TRPM7: variants seen among roughly 807,000 people sequenced by gnomAD.
The protein encoded by TRPM7 is transient receptor potential cation channel subfamily M member 7.
In TRPM7, 134 loss-of-function variants were observed where a neutral mutation model predicts 229.7. The ratio of observed to expected loss-of-function variants is 0.58; its 90% CI spans 0.51 to 0.67. The LOEUF (loss-of-function observed/expected upper bound fraction) is 0.67, where lower values mean the gene tolerates loss of function less well. TRPM7 is among the 30% of genes least tolerant of loss of function. TRPM7 has a pLI of 0.00. For missense variants in TRPM7, 1,901 were observed against 2,210.0 expected, an observed-to-expected ratio of 0.86 and a Z score of 2.80; for synonymous variants, 699 against 715.2, an observed-to-expected ratio of 0.98 and a Z score of 0.36.
intron 29 of TRPM7, 93 bp downstream of exon 29, chr15:50,582,996 G>T: frequency 2.1e-6 from 2 of 931,452 alleles, no homozygotes; most frequent in Non-Finnish European, 1.5e-6. Context: ...TTGAATTTTT[G>T]ATATAGTCCC....
chr15:50,639,309 A>G (rs2061016253), intron 6 of TRPM7, 115 bp downstream of exon 6: 1 of 883,668 alleles, frequency 1.1e-6, no homozygotes, highest in Non-Finnish European at 1.5e-6. Flanking sequence ...AATACCTTTT[A>G]AACTTAATTT....
In TRPM7 at chr15:50,637,609, C is replaced by CA. The variant is rs759916676; in HGVS notation, c.661-17dup. ...GAGCAACCACCTAAACAATAGCAAA[C>CA]AAAAGAGTTAGTGAGCAGGATTAAA... On this transcript the variant is annotated splice_polypyrimidine_tract_variant and intron_variant, in intron 6 of 38. Transcript: ENST00000646667. The CA allele has an allele frequency of 6.2e-7, 1 of 1,604,168 alleles. No homozygotes were observed. Among genetic ancestry groups the CA allele is most frequent in the South Asian group, 1.1e-5 (1 of 89,318 alleles).
intron 30 of TRPM7, among the ~76,000 whole-genome samples, chr15:50,580,353 C>T (rs1336330592): frequency 6.6e-6 from 1 of 152,144 alleles, no homozygotes; most frequent in Non-Finnish European, 1.5e-5. Context: ...GGGACAATAA[C>T]CTGTCAGATT....
At chr15:50,610,980 T>C in intron 17 of TRPM7, 113 bp downstream of exon 17, 1 of 790,246 alleles carries the variant, frequency 1.3e-6, no homozygotes, top group Admixed American at 2.7e-5. Flanking sequence ...GCTCCCTCTT[T>C]ACCCCCCACC....
At chr15:50,577,588 T>G (rs978706693) in intron 31 of TRPM7, among the ~76,000 whole-genome samples, 1 of 152,040 alleles carries the variant, frequency 6.6e-6, no homozygotes, top group Non-Finnish European at 1.5e-5. Context: ...GAATAGAACA[T>G]TGATGAGAAG....
intron 10 of TRPM7, among the ~76,000 whole-genome samples, chr15:50,628,657 T>G (rs2060637580): frequency 6.6e-6 from 1 of 152,182 alleles, no homozygotes; most frequent in South Asian, 2.1e-4. Flanking sequence ...ACACAGCTGG[T>G]GTCAGCCACC....
rs928285801 is a variant in TRPM7, at chr15:50,630,037, T to C, written c.1204+1380A>G. ...CCACCACCCCCAGCTAATTTTTGTA[T>C]TGTTAGTAGAGACGAGGTTTCGCCA... On this transcript the variant is annotated intron_variant, in intron 10 of 38. Transcript: ENST00000646667. Among the ~76,000 whole-genome samples, 10 of 152,036 alleles carry C rather than the reference T, an allele frequency of 6.6e-5. No homozygotes were observed. In the East Asian group the frequency reaches 9.7e-4, roughly 15 times the overall value.
chr15:50,616,299 T>A (rs1181483522), intron 13 of TRPM7, among the ~76,000 whole-genome samples: 1 of 152,136 alleles, frequency 6.6e-6, no homozygotes, highest in Non-Finnish European at 1.5e-5. Flanking sequence ...ATAAAAAAAA[T>A]AGGGCTTATT....
chr15:50,569,505 T>C (rs2053768444), intron 38 of TRPM7, among the ~76,000 whole-genome samples: 1 of 152,176 alleles, frequency 6.6e-6, no homozygotes, highest in Non-Finnish European at 1.5e-5. Flanking sequence ...ACATGTTCTA[T>C]AGCACTCTGT....
chr15:50,583,583 T>TTG (rs199806941), intron 28 of TRPM7, among the ~76,000 whole-genome samples: 27,394 of 151,018 alleles, frequency 0.18, 3,216 homozygotes, highest in East Asian at 0.46. Context: ...GAGTTTTGTT[T>TTG]TTTTTTTTTT....
intron 31 of TRPM7, among the ~76,000 whole-genome samples, chr15:50,578,280 G>A (rs1410313887): frequency 6.6e-6 from 1 of 152,188 alleles, no homozygotes; most frequent in Non-Finnish European, 1.5e-5. Flanking sequence ...GAGACATGTA[G>A]GAAGTAAATG....
chr15:50,686,147 C>T (rs2062355311), intron 1 of TRPM7, among the ~76,000 whole-genome samples: 1 of 152,206 alleles, frequency 6.6e-6, no homozygotes, highest in Admixed American at 6.5e-5. Flanking sequence ...CAGCAACTGG[C>T]GCCAGGAGGA....
At chr15:50,584,410 G>A (rs1401673066) in intron 28 of TRPM7, among the ~76,000 whole-genome samples, 1 of 152,186 alleles carries the variant, frequency 6.6e-6, no homozygotes, top group East Asian at 1.9e-4. Flanking sequence ...TATACTTGGT[G>A]GAAAAGGGTG....
At chr15:50,614,369 T>TTATA (rs1268421850) in intron 13 of TRPM7, 106 bp from the exon 14 acceptor site, 1 of 1,109,928 alleles carries the variant, frequency 9.0e-7, no homozygotes, top group African/African-American at 1.6e-5. Context: ...TGTTTACTTC[T>TTATA]TATAAGAAGC....
chr15:50,612,398 A>G, intron 16 of TRPM7, 151 bp downstream of exon 16: 1 of 518,420 alleles, frequency 1.9e-6, no homozygotes, highest in Non-Finnish European at 3.0e-6. Context: ...TTAATTAAAA[A>G]AATATATACT....
intron 1 of TRPM7, among the ~76,000 whole-genome samples, chr15:50,673,630 C>T (rs930616189): frequency 6.7e-6 from 1 of 149,050 alleles, no homozygotes; most frequent in Non-Finnish European, 1.5e-5. Flanking sequence ...AGAAGTATTC[C>T]CTCGTATATA....
chr15:50,611,384 C>T lies in TRPM7; in HGVS notation c.2052-63G>A. ...CAAACTGCAATTTTAAACCACTATT[C>T]TTATATACATTAATACTTCCTACTT... On this transcript the variant is annotated intron_variant, in intron 16 of 38. Coordinates refer to ENST00000646667, the MANE Select transcript of TRPM7 (RefSeq NM_017672.6). The T allele has an allele frequency of 2.5e-6, 3 of 1,220,536 alleles. 1 individual carries two copies. The South Asian group carries it at 4.1e-5, about 17-fold the overall frequency. The allele number at this position is 1,220,536 out of a possible 1,614,324, so 75.6% of individuals were successfully genotyped here.
intron 20 of TRPM7, 142 bp from the exon 21 acceptor site, chr15:50,605,286 T>A: frequency 1.3e-6 from 1 of 773,118 alleles, no homozygotes; most frequent in Non-Finnish European, 1.9e-6. Flanking sequence ...AGTCTCGCTC[T>A]ATTGCCCAGG....
At chr15:50,627,353 G>A (rs973915025) in intron 11 of TRPM7, among the ~76,000 whole-genome samples, 1 of 152,084 alleles carries the variant, frequency 6.6e-6, no homozygotes, top group Non-Finnish European at 1.5e-5. Context: ...AGTCCAAAGA[G>A]GAGACATTTG....
Sources: gnomAD v4.1 joint callset for allele counts (sites outside exome capture counted in the v4.1 genomes callset) on GRCh38, gnomAD v4.1.1 for gene constraint, MANE v1.5 for transcripts, NCBI Gene and HGNC (gene_info 2026-07-23, HGNC 2026-07-21) for gene names.